MYOM1: variants seen among roughly 807,000 people sequenced by gnomAD.
MYOM1 encodes the protein myomesin 1.
In MYOM1, 164 loss-of-function variants were observed where a neutral mutation model predicts 205.3. That is an observed-to-expected ratio of 0.80 (90% confidence interval 0.70 to 0.91). The LOEUF is 0.91. Ranked by LOEUF, MYOM1 falls within the 40% of genes least tolerant of loss-of-function variation. The pLI, the probability that MYOM1 is intolerant of heterozygous loss-of-function variation, is 0.00. For synonymous variants in MYOM1, 772 were observed against 789.4 expected (o/e 0.98, Z 0.37); for missense variants, 2,011 against 2,127.3 (o/e 0.95, Z 1.08).
intron 9 of MYOM1, among the ~76,000 whole-genome samples, chr18:3,167,837 G>A (rs2080495770): frequency 6.6e-6 from 1 of 152,148 alleles, no homozygotes; most frequent in African/African-American, 2.4e-5. Flanking sequence ...TTTAAAAAGG[G>A]GAAATTAAAT....
chr18:3,176,846 C>A (rs746348662), intron 5 of MYOM1, among the ~76,000 whole-genome samples: 1 of 151,960 alleles, frequency 6.6e-6, no homozygotes, highest in African/African-American at 2.4e-5. Context: ...TGTGCCACTG[C>A]ACTCCAGCCT....
At chr18:3,191,935 A>G (rs2080914163) in intron 3 of MYOM1, among the ~76,000 whole-genome samples, 2 of 152,046 alleles carry the variant, frequency 1.3e-5, no homozygotes, top group South Asian at 4.1e-4. Context: ...TGACATTGTG[A>G]TCTGCCCGCC....
Position 3,174,146 on chromosome 18 carries a change from G to T in MYOM1, c.1085C>A (p.Ser362Ter). The T allele has an allele frequency of 1.2e-6, 2 of 1,613,982 alleles. No individual in the cohort carries two copies. Among genetic ancestry groups the T allele is most frequent in the Non-Finnish European group, 1.7e-6 (2 of 1,179,874 alleles). The change falls in exon 7 of 38, where the codon TCG becomes TAG. Residue 362 changes from serine to a stop codon, truncating the protein, a stop_gained. Transcript: ENST00000356443. LOFTEE classifies it high-confidence loss of function. ...TTTTACCACAACTGAAGCATATGCC[G>T]AAAGCTCTCCTTTAACATTCATCGC... The part of the protein sequence containing the change: ...ASAMNVKGEL[S>*]AYASVVVKRY...
intron 14 of MYOM1, among the ~76,000 whole-genome samples, chr18:3,136,253 C>T (rs918313082): frequency 2.0e-5 from 3 of 151,980 alleles, no homozygotes; most frequent in Admixed American, 1.3e-4. Flanking sequence ...TCTGGTATGT[C>T]GATCAACAAC....
chr18:3,079,368 T>C, intron 33 of MYOM1, 26 bp from the exon 34 acceptor site: 1 of 1,595,480 alleles, frequency 6.3e-7, no homozygotes, highest in Non-Finnish European at 8.6e-7. Flanking sequence ...AAAACTTCCT[T>C]AGCATTTGCT....
chr18:3,182,205 A>C (rs2080744055), intron 5 of MYOM1, among the ~76,000 whole-genome samples: 1 of 151,946 alleles, frequency 6.6e-6, no homozygotes. Flanking sequence ...GCTACAATCA[A>C]GATTTCCATG....
chr18:3,105,818 G>A (rs945280685), intron 22 of MYOM1, among the ~76,000 whole-genome samples: 33 of 152,162 alleles, frequency 2.2e-4, no homozygotes, highest in Admixed American at 5.2e-4. Flanking sequence ...TCACACCACT[G>A]CAGTCCAGCC....
At chr18:3,106,860 A>G (rs1598676135) in intron 22 of MYOM1, among the ~76,000 whole-genome samples, 1 of 152,266 alleles carries the variant, frequency 6.6e-6, no homozygotes, top group East Asian at 1.9e-4. Flanking sequence ...TTGCTAGGAG[A>G]GAGCCAAAGA....
chr18:3,198,302 G>A (rs532187474), intron 2 of MYOM1, among the ~76,000 whole-genome samples: 6 of 152,242 alleles, frequency 3.9e-5, no homozygotes, highest in Non-Finnish European at 8.8e-5. Context: ...CATTGTCTCC[G>A]CTGACTGTGC....
chr18:3,200,645 T>C (rs981200629), intron 2 of MYOM1, among the ~76,000 whole-genome samples: 9 of 151,816 alleles, frequency 5.9e-5, no homozygotes, highest in African/African-American at 1.9e-4. Flanking sequence ...AGGGAAGAAA[T>C]AATCAATAAA....
At chr18:3,122,775 GA>G (rs927432280) in intron 19 of MYOM1, among the ~76,000 whole-genome samples, 3 of 151,966 alleles carry the variant, frequency 2.0e-5, no homozygotes, top group Non-Finnish European at 2.9e-5. Context: ...TAATAAAAGG[GA>G]AAAAAATCAT....
chr18:3,172,134 TA>T (rs2080566931), intron 8 of MYOM1, among the ~76,000 whole-genome samples: 1 of 152,196 alleles, frequency 6.6e-6, no homozygotes, highest in African/African-American at 2.4e-5. Flanking sequence ...AAATGTTAAC[TA>T]TTAGAAAAAA....
chr18:3,112,236 C>T (rs527242263), intron 22 of MYOM1, 62 bp downstream of exon 22: 41 of 1,394,182 alleles, frequency 2.9e-5, no homozygotes, highest in East Asian at 2.4e-4. Context: ...ACAGAAAGGC[C>T]GAACCTTAGT....
chr18:3,121,075 C>T (rs1343829876), intron 19 of MYOM1, among the ~76,000 whole-genome samples: 1 of 151,854 alleles, frequency 6.6e-6, no homozygotes, highest in African/African-American at 2.4e-5. Context: ...TTACACAGAA[C>T]ATGATGTGGA....
At chr18:3,182,913 C>CTTTTTTTTTTT (rs549386891) in intron 5 of MYOM1, among the ~76,000 whole-genome samples, 7 of 92,304 alleles carry the variant, frequency 7.6e-5, no homozygotes, top group Non-Finnish European at 1.2e-4. Flanking sequence ...TTTCTTTCTT[C>CTTTTTTTTTTT]TTTTTTTTTT....
intron 10 of MYOM1, among the ~76,000 whole-genome samples, chr18:3,159,196 G>C (rs1168516032): frequency 2.6e-5 from 4 of 152,118 alleles, no homozygotes; most frequent in Non-Finnish European, 5.9e-5. Context: ...CTTTTTATTT[G>C]TTAAATTTAT....
In MYOM1 at chr18:3,214,942, G is replaced by A; in HGVS notation, c.282C>T (p.Ser94=). 1 of 1,596,782 alleles carries A rather than the reference G, an allele frequency of 6.3e-7. No individual in the cohort carries two copies. Among genetic ancestry groups the A allele is most frequent in the Non-Finnish European group, 8.6e-7 (1 of 1,169,270 alleles). ...RKAASAYDYG[S]SHGLTDSSLL... ...GAGGGCGTCCGACATACCCATGGGAGGAGCCATAATCGTAGGCTGAGGCTG... is the reference window on the plus strand; with the variant it reads ...GAGGGCGTCCGACATACCCATGGGAAGAGCCATAATCGTAGGCTGAGGCTG... The change falls in exon 2 of 38, where the codon TCC becomes TCT. Residue 94 remains serine, a synonymous_variant. Coordinates refer to ENST00000356443, the MANE Select transcript of MYOM1 (RefSeq NM_003803.4).
chr18:3,131,686 C>A (rs1178707133), intron 16 of MYOM1, among the ~76,000 whole-genome samples, 190 bp from the exon 17 acceptor site: 1 of 151,946 alleles, frequency 6.6e-6, no homozygotes, highest in Non-Finnish European at 1.5e-5. Flanking sequence ...GAGCCATCCT[C>A]TCTCCCACCT....
At chr18:3,080,805 G>T (rs1329268161) in intron 33 of MYOM1, among the ~76,000 whole-genome samples, 1 of 152,036 alleles carries the variant, frequency 6.6e-6, no homozygotes, top group African/African-American at 2.4e-5. Flanking sequence ...AAAATGTAAA[G>T]ACAGATTTTG....
Sources: gnomAD v4.1 joint callset for allele counts (sites outside exome capture counted in the v4.1 genomes callset) on GRCh38, gnomAD v4.1.1 for gene constraint, MANE v1.5 for transcripts, NCBI Gene and HGNC (gene_info 2026-07-23, HGNC 2026-07-21) for gene names.